The following DNAH9 variants were observed in gnomAD, a reference collection of about 807,000 sequenced individuals.
DNAH9 encodes DNAH9 variant protein.
DNAH9 carries 345 observed loss-of-function variants against 471.6 expected under a neutral mutation model. The ratio of observed to expected loss-of-function variants is 0.73; its 90% CI spans 0.67 to 0.80. DNAH9 has a LOEUF of 0.80. DNAH9 is among the 30% of genes least tolerant of loss of function. The pLI is 0.00. For synonymous variants in DNAH9, 2,093 were observed against 2,123.6 expected (o/e 0.99, Z 0.40); for missense variants, 5,407 against 5,609.2 (o/e 0.96, Z 1.15).
At chr17:11,678,710 A>G (rs1444618061) in intron 17 of DNAH9, among the ~76,000 whole-genome samples, 3 of 151,878 alleles carry the variant, frequency 2.0e-5, no homozygotes, top group Non-Finnish European at 4.4e-5. Context: ...AAGTGTTTAT[A>G]TGAGGGTTCC....
rs577207080 is a variant in DNAH9, at chr17:11,648,096, G to A, written c.2097+898G>A. 1.2e-4 allele frequency among the ~76,000 whole-genome samples: 19 copies of A among 152,324 alleles called. No homozygotes were observed. The South Asian group carries it at 2.3e-3, about 18-fold the overall frequency. On this transcript the variant is annotated intron_variant, in intron 12 of 68. Coordinates refer to ENST00000262442, the MANE Select transcript of DNAH9 (RefSeq NM_001372.4). Reference sequence around the variant, plus strand: ...AAAAATGATAACTAAAGGTTAGTTGGTTTCAAAAATAATATTACTCAGGTT... The same window carrying A: ...AAAAATGATAACTAAAGGTTAGTTGATTTCAAAAATAATATTACTCAGGTT...
chr17:11,698,773 T>A (rs2074538080), intron 22 of DNAH9, among the ~76,000 whole-genome samples: 1 of 152,066 alleles, frequency 6.6e-6, no homozygotes, highest in Admixed American at 6.5e-5. Flanking sequence ...GACCACAACA[T>A]AGCTCTGTCC....
chr17:11,675,788 A>G (rs987927372), intron 17 of DNAH9, among the ~76,000 whole-genome samples: 1 of 152,196 alleles, frequency 6.6e-6, no homozygotes, highest in African/African-American at 2.4e-5. Context: ...CCCAACAAAA[A>G]GTATTATCTT....
In DNAH9 at chr17:11,783,661, G is replaced by T; in HGVS notation, c.7734G>T (p.Lys2578Asn). Residue 2578 changes from lysine (K) to asparagine (N), a missense_variant, in exon 40 of 69, where the codon AAG becomes AAT. Physicochemically the swap from Lys to Asn is moderately conservative, Grantham distance 94. Transcript: ENST00000262442. The stretch of plus-strand genomic sequence containing the variant: ...ACTGTTCCAGGTATGATCGGAGCAA[G>T]CTGTCCCTAAAGGAGATCACAAATG... ...LDYGHWYDRSKLSLKEITNVQ... is the reference protein window; with the variant it reads ...LDYGHWYDRSNLSLKEITNVQ... The T allele has an allele frequency of 6.2e-7, 1 of 1,614,002 alleles. No homozygotes were observed. Among genetic ancestry groups the T allele is most frequent in the Non-Finnish European group, 8.5e-7 (1 of 1,179,948 alleles).
In DNAH9 at chr17:11,828,209, C is replaced by T. The variant is rs560439460; in HGVS notation, c.9246+5175C>T. The stretch of plus-strand genomic sequence containing the variant: ...AAATCAGAGGCTGGGTGCGGTGGCT[C>T]ACACCTGTAATCCCAGCACTTTGGG... On this transcript the variant is annotated intron_variant, in intron 48 of 68. Transcript: ENST00000262442. Among the ~76,000 whole-genome samples, 17 of 152,180 alleles carry T rather than the reference C, an allele frequency of 1.1e-4. No individual in the cohort carries two copies. The South Asian group carries it at 3.5e-3, about 32-fold the overall frequency.
intron 17 of DNAH9, among the ~76,000 whole-genome samples, chr17:11,672,427 A>G (rs544620045): frequency 2.0e-5 from 3 of 152,170 alleles, no homozygotes; most frequent in African/African-American, 7.2e-5. Flanking sequence ...CTTTTCTCCT[A>G]TATCCCTCTT....
At chr17:11,643,115 C>A (rs1297265259) in intron 10 of DNAH9, among the ~76,000 whole-genome samples, 2 of 152,238 alleles carry the variant, frequency 1.3e-5, no homozygotes, top group African/African-American at 4.8e-5. Flanking sequence ...ATTAAAGATA[C>A]TTCACCAATT....
chr17:11,896,390 C>CACAGTATAA (rs1330279187), intron 59 of DNAH9, among the ~76,000 whole-genome samples: 3 of 152,186 alleles, frequency 2.0e-5, no homozygotes, highest in Admixed American at 6.5e-5. Context: ...TGAATGGACA[C>CACAGTATAA]GGCTGAGTTC....
intron 26 of DNAH9, among the ~76,000 whole-genome samples, chr17:11,712,248 A>G (rs1181391835): frequency 6.7e-6 from 1 of 149,086 alleles, no homozygotes; most frequent in African/African-American, 2.5e-5. Flanking sequence ...CTCATGGCAG[A>G]GCATGTGTCT....
intron 67 of DNAH9, among the ~76,000 whole-genome samples, chr17:11,952,309 CTTTTTTTTTT>C (rs753276964): frequency 0.25 from 17,780 of 70,938 alleles, 1,420 homozygotes; most frequent in Middle Eastern, 0.34. Flanking sequence ...CCAGCTAATT[CTTTTTTTTTT>C]TTTTTTTTTT....
chr17:11,842,333 A>C (rs1971063141), intron 49 of DNAH9, among the ~76,000 whole-genome samples: 1 of 152,236 alleles, frequency 6.6e-6, no homozygotes, highest in African/African-American at 2.4e-5. Context: ...AATGCTATTT[A>C]TGTATGCATA....
In DNAH9 at chr17:11,689,895, G is replaced by A; in HGVS notation, c.4073G>A (p.Gly1358Asp). The change falls in exon 20 of 69, where the codon GGC becomes GAC. Residue 1358 changes from glycine to aspartate, a missense_variant. This residue lies in a region of DNAH9 where 4,636 missense variants were observed against 4,900.3 expected (regional missense o/e 0.95). Transcript: ENST00000262442. Reference protein sequence around the residue: ...KEVRAWDAFTGLESTVWNTLS... With the variant: ...KEVRAWDAFTDLESTVWNTLS... ...GTCAGGGCCTGGGATGCATTCACAG[G>A]CCTGGAAAGCACTGTGTGGAACACG... 1.9e-6 allele frequency: 3 copies of A among 1,608,040 alleles called. No individual in the cohort carries two copies. Among genetic ancestry groups the A allele is most frequent in the Non-Finnish European group, 2.5e-6 (3 of 1,176,782 alleles).
At chr17:11,669,338 G>GT in intron 16 of DNAH9, 32 bp from the exon 17 acceptor site, 1 of 1,600,808 alleles carries the variant, frequency 6.2e-7, no homozygotes, top group Non-Finnish European at 8.5e-7. Flanking sequence ...ACACACTGGT[G>GT]TAACCTGCCT....
chr17:11,746,241 G>A (rs1306602825), intron 31 of DNAH9, among the ~76,000 whole-genome samples: 1 of 152,156 alleles, frequency 6.6e-6, no homozygotes, highest in Non-Finnish European at 1.5e-5. Context: ...GAGGCCTCAG[G>A]AAACTTACAA....
intron 13 of DNAH9, among the ~76,000 whole-genome samples, chr17:11,652,536 C>T (rs1315225724): frequency 4.6e-5 from 7 of 152,008 alleles, no homozygotes; most frequent in Non-Finnish European, 8.8e-5. Context: ...CCGCCCACCT[C>T]GGCCTCCCAA....
At chr17:11,646,938 T>C in intron 11 of DNAH9, 134 bp from the exon 12 acceptor site, 1 of 731,856 alleles carries the variant, frequency 1.4e-6, no homozygotes, top group Non-Finnish European at 2.1e-6. Flanking sequence ...AAATTTGTGG[T>C]TACTCTCAGA....
intron 57 of DNAH9, among the ~76,000 whole-genome samples, chr17:11,889,195 CAG>C (rs1288241167): frequency 2.0e-5 from 3 of 152,154 alleles, no homozygotes; most frequent in South Asian, 4.1e-4. Context: ...GTGCATTCTG[CAG>C]AGAGACATGG....
At chr17:11,781,416 A>G (rs1968660783) in intron 39 of DNAH9, among the ~76,000 whole-genome samples, 2 of 152,132 alleles carry the variant, frequency 1.3e-5, no homozygotes, top group Admixed American at 6.5e-5. Flanking sequence ...TCATCTAAGG[A>G]AAAAAAACCT....
At chr17:11,610,892 A>G (rs1432791836) in intron 3 of DNAH9, among the ~76,000 whole-genome samples, 1 of 152,174 alleles carries the variant, frequency 6.6e-6, no homozygotes, top group East Asian at 1.9e-4. Context: ...CTCCTTGAGC[A>G]GCTGAGGCCA....
Sources: allele counts gnomAD v4.1 joint callset (sites outside exome capture counted in the v4.1 genomes callset), GRCh38; gene constraint gnomAD v4.1.1; regional missense constraint gnomAD v4.1.1; transcripts MANE v1.5; gene names NCBI Gene and HGNC (gene_info 2026-07-23, HGNC 2026-07-21).